NELL1: variants seen among roughly 807,000 people sequenced by gnomAD.
The protein encoded by NELL1 is protein kinase C-binding protein NELL1.
A neutral mutation model predicts 107.4 loss-of-function variants in NELL1; 76 were observed. The observed-to-expected ratio is 0.71, with a 90% CI of 0.59 to 0.86. NELL1 has a LOEUF of 0.86. Ranked by LOEUF, NELL1 falls within the 40% of genes least tolerant of loss-of-function variation. The pLI, the probability that NELL1 is intolerant of heterozygous loss-of-function variation, is 0.00. For synonymous variants in NELL1, 353 were observed against 341.2 expected, an observed-to-expected ratio of 1.03 and a Z score of -0.38; for missense variants, 1,024 against 1,005.5, an observed-to-expected ratio of 1.02 and a Z score of -0.25.
chr11:20,885,430 C>G lies in NELL1; in HGVS notation c.507-14C>G. 1 of 1,549,426 alleles carries G rather than the reference C, an allele frequency of 6.5e-7. No homozygotes were observed. The highest frequency in any genetic ancestry group is 8.9e-7 in the Non-Finnish European group (1 of 1,121,130). On this transcript the variant is annotated splice_polypyrimidine_tract_variant and intron_variant, in intron 4 of 19. Transcript: ENST00000357134. Reference sequence around the variant, plus strand: ...GAGCCTCTCTATTAGTAACTGTGTTCTTTGCCTTTACAGGATTTATGAGCG... The same window carrying G: ...GAGCCTCTCTATTAGTAACTGTGTTGTTTGCCTTTACAGGATTTATGAGCG...
At chr11:20,807,601 C>T (rs1414221323) in intron 3 of NELL1, among the ~76,000 whole-genome samples, 1 of 152,202 alleles carries the variant, frequency 6.6e-6, no homozygotes, top group African/African-American at 2.4e-5. Flanking sequence ...GCAGGTGGTG[C>T]AGCCAGCCAG....
intron 9 of NELL1, among the ~76,000 whole-genome samples, chr11:20,929,710 G>A (rs1248637991): frequency 2.6e-5 from 4 of 152,092 alleles, no homozygotes; most frequent in Non-Finnish European, 5.9e-5. Flanking sequence ...AGTGGCTCAC[G>A]CTTCTAATCC....
intron 2 of NELL1, among the ~76,000 whole-genome samples, chr11:20,762,404 C>A (rs766014912): frequency 1.1e-4 from 17 of 152,206 alleles, no homozygotes; most frequent in Non-Finnish European, 1.8e-4. Flanking sequence ...TGCTATCAAA[C>A]TTGTCATATT....
At chr11:20,780,064 C>T (rs7119256) in intron 2 of NELL1, among the ~76,000 whole-genome samples, 6,703 of 152,252 alleles carry the variant, frequency 0.044, 526 homozygotes, top group African/African-American at 0.15. Context: ...TGAGAATGCA[C>T]ATAAAGCCTC....
chr11:21,044,036 A>G (rs543194632), intron 12 of NELL1, among the ~76,000 whole-genome samples: 33 of 152,166 alleles, frequency 2.2e-4, no homozygotes, highest in Non-Finnish European at 2.2e-4. Flanking sequence ...TCAGGATATA[A>G]ATGACATTTG....
chr11:20,943,979 T>C (rs2134194371), intron 10 of NELL1, among the ~76,000 whole-genome samples: 1 of 152,292 alleles, frequency 6.6e-6, no homozygotes, highest in South Asian at 2.1e-4. Context: ...ATGGATATTG[T>C]CAGCAGAGAG....
Position 21,575,146 on chromosome 11 carries a change from A to C in NELL1, c.*124A>C. On this transcript the variant is annotated 3_prime_UTR_variant, in exon 20 of 20. Transcript: ENST00000357134. ...TTTTTTAACCACAGATAATTGCCAAAGTTTCCACCTGAGGACGGTGTTTGG... is the reference window on the plus strand; with the variant it reads ...TTTTTTAACCACAGATAATTGCCAACGTTTCCACCTGAGGACGGTGTTTGG... The C allele has an allele frequency of 1.2e-6, 1 of 854,638 alleles. No individual in the cohort carries two copies. Among genetic ancestry groups the C allele is most frequent in the Non-Finnish European group, 1.9e-6 (1 of 524,484 alleles). The allele number at this position is 854,638 out of a possible 1,614,324, so 52.9% of individuals were successfully genotyped here.
At chr11:20,885,846 T>A (rs1289105369) in intron 5 of NELL1, among the ~76,000 whole-genome samples, 2 of 152,204 alleles carry the variant, frequency 1.3e-5, no homozygotes, top group Non-Finnish European at 2.9e-5. Context: ...AGGCAAATGA[T>A]CCTCAAAATG....
chr11:21,360,775 A>G (rs1851058556), intron 14 of NELL1, among the ~76,000 whole-genome samples: 1 of 152,156 alleles, frequency 6.6e-6, no homozygotes, highest in Non-Finnish European at 1.5e-5. Flanking sequence ...GTCTGACATA[A>G]TAATAGCTAC....
chr11:20,902,906 G>C (rs944486771), intron 5 of NELL1, among the ~76,000 whole-genome samples: 1 of 151,872 alleles, frequency 6.6e-6, no homozygotes, highest in African/African-American at 2.4e-5. Flanking sequence ...TCCATATACA[G>C]CTTATTGATA....
intron 15 of NELL1, among the ~76,000 whole-genome samples, chr11:21,407,867 G>A (rs1488566044): frequency 1.3e-5 from 2 of 151,494 alleles, no homozygotes; most frequent in African/African-American, 4.9e-5. Context: ...TGCCAACTGA[G>A]ATCCTATCAA....
At chr11:21,022,295 T>C (rs1237846957) in intron 12 of NELL1, among the ~76,000 whole-genome samples, 1 of 152,104 alleles carries the variant, frequency 6.6e-6, no homozygotes, top group Non-Finnish European at 1.5e-5. Flanking sequence ...ACACCTGTTG[T>C]ACCACCAAAA....
At chr11:21,020,414 G>A (rs1279670736) in intron 12 of NELL1, among the ~76,000 whole-genome samples, 1 of 152,098 alleles carries the variant, frequency 6.6e-6, no homozygotes, top group Non-Finnish European at 1.5e-5. Flanking sequence ...TCCAACGAGT[G>A]TAATAGAACC....
In NELL1 at chr11:20,975,917, A is replaced by C. The variant is rs550587195; in HGVS notation, c.1300+15357A>C. On this transcript the variant is annotated intron_variant, in intron 12 of 19. Coordinates refer to ENST00000357134, the MANE Select transcript of NELL1 (RefSeq NM_006157.5). ...ATATACATATATGTGTATTATATAA[A>C]CACACATATATGTACATATATGTGT... Among the ~76,000 whole-genome samples the C allele has an allele frequency of 1.4e-3, 151 of 107,470 alleles. 1 individual carries two copies. The highest frequency in any genetic ancestry group is 2.3e-3 in the Non-Finnish European group (128 of 54,894). 70.5% of individuals were successfully genotyped at this position (107,470 alleles called of 152,430 possible).
At chr11:21,350,013 A>G (rs931205968) in intron 14 of NELL1, among the ~76,000 whole-genome samples, 1 of 152,176 alleles carries the variant, frequency 6.6e-6, no homozygotes, top group Non-Finnish European at 1.5e-5. Flanking sequence ...AATAATTTTT[A>G]AAAATCTGAT....
At chr11:21,323,403 C>G (rs1307867774) in intron 14 of NELL1, among the ~76,000 whole-genome samples, 1 of 152,078 alleles carries the variant, frequency 6.6e-6, no homozygotes, top group Non-Finnish European at 1.5e-5. Context: ...GGTCATTTAG[C>G]CAAATCTACA....
At chr11:21,171,288 A>G (rs1297359866) in intron 13 of NELL1, among the ~76,000 whole-genome samples, 5 of 151,782 alleles carry the variant, frequency 3.3e-5, no homozygotes, top group Non-Finnish European at 4.4e-5. Flanking sequence ...CTTGTGTACT[A>G]TATATAATTA....
In NELL1 at chr11:21,500,476, C is replaced by T. The variant is rs537611084; in HGVS notation, c.1646-33898C>T. On this transcript the variant is annotated intron_variant, in intron 15 of 19. Coordinates refer to ENST00000357134, the MANE Select transcript of NELL1 (RefSeq NM_006157.5). ...CAAGATGTGAGCTTGTATTTAGAAA[C>T]ATCCAATTTATTATTTGTCCTTTAT... Among the ~76,000 whole-genome samples, 11 of 152,178 alleles carry T rather than the reference C, an allele frequency of 7.2e-5. No homozygotes were observed. In the East Asian group the frequency reaches 2.1e-3, roughly 29 times the overall value.
intron 2 of NELL1, among the ~76,000 whole-genome samples, chr11:20,702,051 T>G (rs1016989302): frequency 1.3e-5 from 2 of 152,164 alleles, no homozygotes; most frequent in African/African-American, 4.8e-5. Context: ...GTGAAGAAAG[T>G]CATTGGTAGC....
Sources: gnomAD v4.1 joint callset for allele counts (sites outside exome capture counted in the v4.1 genomes callset) on GRCh38, gnomAD v4.1.1 for gene constraint, MANE v1.5 for transcripts, NCBI Gene and HGNC (gene_info 2026-07-23, HGNC 2026-07-21) for gene names.